Variants in TLE2 observed in about 807,000 individuals in gnomAD.
The protein encoded by TLE2 is TLE family member 2, transcriptional corepressor.
Under a neutral mutation model 97.2 loss-of-function variants are expected in TLE2, and 74 were observed. The observed-to-expected ratio is 0.76, with a 90% confidence interval of 0.63 to 0.92. TLE2 has a LOEUF of 0.92. Among genes scored for constraint, TLE2 ranks in the 40% least tolerant of loss-of-function variants. TLE2 has a pLI of 0.00. For synonymous variants in TLE2, 499 were observed against 432.1 expected (o/e 1.15, Z -1.92); for missense variants, 1,038 against 1,008.7 (o/e 1.03, Z -0.39).
intron 19 of TLE2, among the ~76,000 whole-genome samples, chr19:2,998,866 A>G (rs1228962262): frequency 6.6e-6 from 1 of 152,216 alleles, no homozygotes; most frequent in Admixed American, 6.5e-5. Flanking sequence ...GTCACACAGC[A>G]CAGCAGAGGG....
At chr19:3,041,874 C>T (rs1402653250) in intron 1 of TLE2, among the ~76,000 whole-genome samples, 1 of 152,150 alleles carries the variant, frequency 6.6e-6, no homozygotes, top group Non-Finnish European at 1.5e-5. Context: ...GACCTGCCCA[C>T]GGTCACACAG....
In TLE2 at chr19:3,015,808, T is replaced by A. The variant is rs764944978; in HGVS notation, c.571-48A>T. 5 of 1,395,022 alleles carry A rather than the reference T, an allele frequency of 3.6e-6. No homozygotes were observed. The East Asian group carries it at 1.2e-4, about 34-fold the overall frequency. 86.4% of individuals were successfully genotyped at this position (1,395,022 alleles called of 1,614,324 possible). A position where few individuals can be genotyped will look rare whatever the true frequency, so the allele number is the denominator to read the frequency against. ...GGGAGAAAGGGTCAGGGCCCTGGGCTCCTAGATTGCATTGTGATCCAGCCG... is the reference window on the plus strand; with the variant it reads ...GGGAGAAAGGGTCAGGGCCCTGGGCACCTAGATTGCATTGTGATCCAGCCG... On this transcript the variant is annotated intron_variant, in intron 8 of 19. Coordinates refer to ENST00000262953, the MANE Select transcript of TLE2 (RefSeq NM_003260.5).
Position 3,006,440 on chromosome 19 carries a change from CG to C in TLE2, c.1479del (p.Val494TrpfsTer7). 1 of 1,610,358 alleles carries C rather than the reference CG, an allele frequency of 6.2e-7. No individual in the cohort carries two copies. Among genetic ancestry groups the C allele is most frequent in the Non-Finnish European group, 8.5e-7 (1 of 1,179,506 alleles). On this transcript the variant is annotated frameshift_variant, in exon 15 of 20. Transcript: ENST00000262953. LOFTEE classifies it high-confidence loss of function. The stretch of plus-strand genomic sequence containing the variant: ...CTCACCAGGCAGTCGAGCTGGGCCA[CG>C]GGCGTCTTGGCCCCAGGCTGGCCCA... Reference protein sequence around the residue: ...WDVGQPGAKTPVAQLDCLNRD... With the variant: ...WDVGQPGAKTXVAQLDCLNRD...
intron 17 of TLE2, among the ~76,000 whole-genome samples, chr19:3,003,700 G>C (rs2089415605): frequency 1.4e-5 from 2 of 146,690 alleles, no homozygotes; most frequent in Non-Finnish European, 3.0e-5. Flanking sequence ...CTCACTCTTA[G>C]CTTGGAATGT....
intron 1 of TLE2, among the ~76,000 whole-genome samples, chr19:3,035,824 C>T (rs886648076): frequency 1.3e-5 from 2 of 152,080 alleles, no homozygotes; most frequent in East Asian, 3.9e-4. Context: ...GCGAGTGTGG[C>T]CCCCCTCCCT....
chr19:3,025,125 T>C, intron 4 of TLE2, 43 bp from the exon 5 acceptor site: 1 of 1,557,812 alleles, frequency 6.4e-7, no homozygotes, highest in Non-Finnish European at 8.7e-7. Flanking sequence ...GGGGTAGAGA[T>C]TTGCAACCCA....
intron 11 of TLE2, among the ~76,000 whole-genome samples, chr19:3,012,042 C>G (rs1264682271): frequency 6.6e-6 from 1 of 151,966 alleles, no homozygotes; most frequent in Non-Finnish European, 1.5e-5. Context: ...ATCAGGAGAT[C>G]TAGACCATCC....
At chr19:3,010,954 C>T in intron 12 of TLE2, 68 bp downstream of exon 12, 1 of 1,532,224 alleles carries the variant, frequency 6.5e-7, no homozygotes, top group South Asian at 1.2e-5. Flanking sequence ...GCCTCTCCAG[C>T]CCCTTTTCCT....
chr19:3,006,703 G>A, intron 14 of TLE2, 34 bp from the exon 15 acceptor site: 2 of 1,555,900 alleles, frequency 1.3e-6, no homozygotes, highest in Non-Finnish European at 1.7e-6. Context: ...CCCAGCCCTG[G>A]GCACCACGCC....
chr19:3,043,389 A>C (rs1223992173), intron 1 of TLE2, among the ~76,000 whole-genome samples: 1 of 59,006 alleles, frequency 1.7e-5, no homozygotes, highest in Non-Finnish European at 3.0e-5. Flanking sequence ...TTTTTTTTTG[A>C]GATGGTCTCG....
At chr19:3,041,547 GC>G (rs1322924495) in intron 1 of TLE2, among the ~76,000 whole-genome samples, 6 of 152,098 alleles carry the variant, frequency 3.9e-5, no homozygotes, top group African/African-American at 7.2e-5. Flanking sequence ...CCTCAGAGAG[GC>G]CTCCCCTCCT....
At chr19:3,043,114 C>G (rs1004144541) in intron 1 of TLE2, among the ~76,000 whole-genome samples, 1 of 152,022 alleles carries the variant, frequency 6.6e-6, no homozygotes, top group Non-Finnish European at 1.5e-5. Context: ...GCCATCTTGC[C>G]CGGCACAGCT....
At chr19:3,018,084 C>A (rs1257191454) in intron 7 of TLE2, among the ~76,000 whole-genome samples, 2 of 151,980 alleles carry the variant, frequency 1.3e-5, no homozygotes, top group South Asian at 2.1e-4. Flanking sequence ...AGACACACAG[C>A]CCATTGGGGG....
At chr19:3,041,033 T>C (rs2090099621) in intron 1 of TLE2, among the ~76,000 whole-genome samples, 1 of 98,332 alleles carries the variant, frequency 1.0e-5, no homozygotes, top group African/African-American at 3.6e-5. Context: ...TTTTTTTTTT[T>C]TTTTTTTTTT....
chr19:3,016,872 G>C (rs1300943438), intron 8 of TLE2, among the ~76,000 whole-genome samples: 1 of 148,136 alleles, frequency 6.8e-6, no homozygotes, highest in Admixed American at 6.8e-5. Flanking sequence ...TCCGCCTCCC[G>C]GGTTCACGCC....
chr19:3,024,996 C>G (rs7251701), intron 5 of TLE2, 24 bp downstream of exon 5: 2 of 1,466,126 alleles, frequency 1.4e-6, no homozygotes, highest in African/African-American at 2.8e-5. Flanking sequence ...TTCCCCTCCT[C>G]CCCCCACCCC....
upstream of TLE2, among the ~76,000 whole-genome samples, chr19:3,033,616 C>T (rs148153020): frequency 4.7e-4 from 72 of 152,302 alleles, no homozygotes; most frequent in African/African-American, 1.6e-3. Flanking sequence ...CTTCTTCTGC[C>T]TAAGCCCCTG....
At chr19:3,011,217 C>T in intron 11 of TLE2, 57 bp from the exon 12 acceptor site, 16 of 1,505,072 alleles carry the variant, frequency 1.1e-5, no homozygotes, top group South Asian at 6.7e-5. Flanking sequence ...TGTGGCCCAA[C>T]GATCTGATCA....
rs1156500609 is a variant in TLE2 at position 3,041,112 on chromosome 19, C to T, written c.63+4614G>A. 8.3e-5 allele frequency among the ~76,000 whole-genome samples: 12 copies of T among 144,162 alleles called. 1 individual carries two copies. The highest frequency in any genetic ancestry group is 3.1e-4 in the African/African-American group (12 of 39,202). The allele number at this position is 144,162 out of a possible 152,430, so 94.6% of individuals were successfully genotyped here. On this transcript the variant is annotated intron_variant, in intron 1 of 18. Transcript: ENST00000426948. ...CGAGATCTCGGCTTACTGCAACCTC[C>T]ACCTCCCAGGCTCAAGCCATCCTCC...
Sources: gnomAD v4.1 joint callset for allele counts (sites outside exome capture counted in the v4.1 genomes callset) on GRCh38, gnomAD v4.1.1 for gene constraint, MANE v1.5 for transcripts, NCBI Gene and HGNC (gene_info 2026-07-23, HGNC 2026-07-21) for gene names.